The following ELOC variants were observed in gnomAD, a reference collection of about 807,000 sequenced individuals.
ELOC encodes elongin-C.
For missense variants in ELOC, 38 were observed against 139.0 expected, an observed-to-expected ratio of 0.27 and a Z score of 3.65; for synonymous variants, 40 against 51.3, an observed-to-expected ratio of 0.78 and a Z score of 0.94.
chr8:73,958,590 T>C (rs1814368293), intron 2 of ELOC, among the ~76,000 whole-genome samples: 1 of 152,228 alleles, frequency 6.6e-6, no homozygotes, highest in Admixed American at 6.5e-5. Flanking sequence ...TACAGACTAT[T>C]CAAGCATATA....
In ELOC at chr8:73,959,789, C is replaced by G; in HGVS notation, c.-21G>C. 1.3e-6 allele frequency: 2 copies of G among 1,550,850 alleles called. No individual in the cohort carries two copies. Among genetic ancestry groups the G allele is most frequent in the Non-Finnish European group, 1.7e-6 (2 of 1,149,388 alleles). On this transcript the variant is annotated 5_prime_UTR_variant, in exon 2 of 4. Coordinates refer to ENST00000520242, the MANE Select transcript of ELOC (RefSeq NM_005648.4). ...CCCATTTTGTTCTTATGAAATTCTA[C>G]TTTGCTTCCCCAGGAACTTTAGTAG...
chr8:73,971,031 T>C (rs1378049718), intron 1 of ELOC, among the ~76,000 whole-genome samples: 1 of 36,890 alleles, frequency 2.7e-5, no homozygotes, highest in Non-Finnish European at 5.3e-5. Flanking sequence ...AGACTCCGTC[T>C]CAAAAAAAAA....
intron 1 of ELOC, among the ~76,000 whole-genome samples, chr8:73,965,560 T>C (rs962095541): frequency 6.6e-6 from 1 of 152,216 alleles, no homozygotes; most frequent in Non-Finnish European, 1.5e-5. Flanking sequence ...TATAAAATTA[T>C]AGAACAGGCA....
At chr8:73,952,518 T>C (rs1404123396) in intron 3 of ELOC, among the ~76,000 whole-genome samples, 7 of 149,000 alleles carry the variant, frequency 4.7e-5, no homozygotes, top group Admixed American at 4.7e-4. Context: ...CGGTGGCTCA[T>C]GCCTGTAATC....
At chr8:73,957,749 TATCCATCC>T (rs750720645) in intron 2 of ELOC, among the ~76,000 whole-genome samples, 12 of 152,170 alleles carry the variant, frequency 7.9e-5, no homozygotes, top group Admixed American at 5.9e-4. Context: ...TTAAAATTTT[TATCCATCC>T]ATCCATCCAC....
rs1814158374 is a variant in ELOC at position 73,956,067 on chromosome 8, A to G, written c.5-13T>C. On this transcript the variant is annotated splice_polypyrimidine_tract_variant and intron_variant, in intron 2 of 3. Coordinates refer to ENST00000520242, the MANE Select transcript of ELOC (RefSeq NM_005648.4). ...TTCTCCTCTCCATCTAAAGTAAAGT[A>G]AGTAGTGAAACAATTTTTGAGTCAC... The G allele has an allele frequency of 1.9e-6, 3 of 1,606,722 alleles. No homozygotes were observed. The highest frequency in any genetic ancestry group is 2.6e-6 in the Non-Finnish European group (3 of 1,174,570).
chr8:73,959,448 T>C (rs1246777446), intron 2 of ELOC, among the ~76,000 whole-genome samples: 1 of 152,186 alleles, frequency 6.6e-6, no homozygotes, highest in Non-Finnish European at 1.5e-5. Context: ...CTTTTTAAAT[T>C]TTTTTGTTAA....
At chr8:73,960,082 T>C (rs1195823372) in intron 1 of ELOC, among the ~76,000 whole-genome samples, 8 of 152,160 alleles carry the variant, frequency 5.3e-5, no homozygotes, top group East Asian at 3.8e-4. Context: ...TCATTATAAA[T>C]TGATTGGGGG....
chr8:73,970,688 G>A (rs1265066263), intron 1 of ELOC: 1 of 151,966 alleles, frequency 6.6e-6, no homozygotes, highest in Non-Finnish European at 1.5e-5. Context: ...GTCATTTTAG[G>A]TAACTGAATA....
At chr8:73,969,707 T>C (rs1815229217) in intron 1 of ELOC, 2 of 152,240 alleles carry the variant, frequency 1.3e-5, no homozygotes, top group Non-Finnish European at 2.9e-5. Flanking sequence ...CCAGTCACTC[T>C]AACCCTTAAC....
intron 1 of ELOC, among the ~76,000 whole-genome samples, chr8:73,971,539 C>T (rs1006081941): frequency 6.6e-6 from 1 of 152,026 alleles, no homozygotes; most frequent in African/African-American, 2.4e-5. Flanking sequence ...TCAATGGGCA[C>T]AGTATTTCAC....
chr8:73,966,340 A>G (rs984280104), intron 1 of ELOC, among the ~76,000 whole-genome samples: 1 of 152,144 alleles, frequency 6.6e-6, no homozygotes, highest in African/African-American at 2.4e-5. Flanking sequence ...GAGAATGGCA[A>G]GGAGAACAGT....
chr8:73,971,416 A>C (rs933414950), intron 1 of ELOC, among the ~76,000 whole-genome samples: 10 of 152,196 alleles, frequency 6.6e-5, no homozygotes, highest in Non-Finnish European at 1.3e-4. Context: ...CCCCTTAAAA[A>C]AGAATTTCGG....
intron 1 of ELOC, 65 bp downstream of exon 1, chr8:73,972,012 G>C (rs955342844): frequency 6.6e-6 from 1 of 152,282 alleles, no homozygotes; most frequent in Non-Finnish European, 1.5e-5. Context: ...AGCTCGTCCC[G>C]TCTCGGCCTC....
At chr8:73,967,472 T>C (rs1408864610) in intron 1 of ELOC, among the ~76,000 whole-genome samples, 7 of 150,346 alleles carry the variant, frequency 4.7e-5, no homozygotes, top group Admixed American at 1.3e-4. Context: ...TCTTTTCTTT[T>C]TTTTTTTTTT....
intron 1 of ELOC, among the ~76,000 whole-genome samples, chr8:73,966,015 T>C (rs566199318): frequency 6.6e-5 from 10 of 151,506 alleles, no homozygotes; most frequent in Non-Finnish European, 1.3e-4. Context: ...AGGAGGGAGA[T>C]CCAGGCAAAG....
At chr8:73,968,086 T>C (rs1393949739) in intron 1 of ELOC, among the ~76,000 whole-genome samples, 1 of 152,204 alleles carries the variant, frequency 6.6e-6, no homozygotes, top group African/African-American at 2.4e-5. Flanking sequence ...ACTAGCCCAG[T>C]TGAATGAAAA....
At chr8:73,967,961 T>C (rs1046078075) in intron 1 of ELOC, among the ~76,000 whole-genome samples, 1 of 152,194 alleles carries the variant, frequency 6.6e-6, no homozygotes, top group Non-Finnish European at 1.5e-5. Context: ...GGTTCACAGA[T>C]AAGCAGTAGA....
chr8:73,968,751 T>C (rs989141161), intron 1 of ELOC, among the ~76,000 whole-genome samples: 1 of 152,214 alleles, frequency 6.6e-6, no homozygotes, highest in Non-Finnish European at 1.5e-5. Context: ...TGGCCATTAT[T>C]CCCATCCACT....
Sources: allele counts gnomAD v4.1 joint callset (sites outside exome capture counted in the v4.1 genomes callset), GRCh38; gene constraint gnomAD v4.1.1; transcripts MANE v1.5; gene names NCBI Gene and HGNC (gene_info 2026-07-23, HGNC 2026-07-21).